AK9: variants seen among roughly 807,000 people sequenced by gnomAD.
AK9 encodes adenylate kinase 9.
A neutral mutation model predicts 239.6 loss-of-function variants in AK9; 191 were observed. That is an observed-to-expected ratio of 0.80 (90% CI 0.71 to 0.90). The LOEUF (loss-of-function observed/expected upper bound fraction) is 0.90, where lower values mean the gene tolerates loss of function less well. AK9 is among the 40% of genes least tolerant of loss of function. The pLI is 0.00. For missense variants in AK9, 1,995 were observed against 2,214.7 expected, an observed-to-expected ratio of 0.90 and a Z score of 1.99; for synonymous variants, 689 against 721.0, an observed-to-expected ratio of 0.96 and a Z score of 0.71.
At chr6:109,637,699 C>T (rs9487178) in intron 10 of AK9, among the ~76,000 whole-genome samples, 88,563 of 151,922 alleles carry the variant, frequency 0.58, 27,490 homozygotes, top group East Asian at 0.84. Context: ...GGGCTGGGAC[C>T]CACTGCTTTA....
chr6:109,647,405 A>G (rs1440601529), intron 8 of AK9, among the ~76,000 whole-genome samples: 1 of 152,190 alleles, frequency 6.6e-6, no homozygotes, highest in African/African-American at 2.4e-5. Flanking sequence ...TCTACCAAGA[A>G]AATGGAAAAC....
At chr6:109,649,550 G>A (rs1379714746) in intron 8 of AK9, among the ~76,000 whole-genome samples, 1 of 152,028 alleles carries the variant, frequency 6.6e-6, no homozygotes, top group Non-Finnish European at 1.5e-5. Context: ...CCTCTTCAAG[G>A]AGAACTACAA....
At chr6:109,597,059 T>C (rs941597311) in intron 17 of AK9, among the ~76,000 whole-genome samples, 1 of 152,214 alleles carries the variant, frequency 6.6e-6, no homozygotes, top group Admixed American at 6.5e-5. Context: ...AGAAAATCTT[T>C]ATTTTACTAA....
intron 31 of AK9, 89 bp downstream of exon 31, chr6:109,515,768 A>T: frequency 8.2e-7 from 1 of 1,212,328 alleles, no homozygotes; most frequent in Non-Finnish European, 1.1e-6. Flanking sequence ...CAATTTTTGA[A>T]ATTATCCAGT....
intron 35 of AK9, among the ~76,000 whole-genome samples, chr6:109,500,852 T>C (rs1777534804): frequency 1.3e-5 from 2 of 152,082 alleles, no homozygotes; most frequent in Admixed American, 1.3e-4. Context: ...ACCCTGTCTC[T>C]ACAAAAAATA....
At chr6:109,586,518 G>A (rs1481904623) in intron 17 of AK9, among the ~76,000 whole-genome samples, 1 of 152,152 alleles carries the variant, frequency 6.6e-6, no homozygotes, top group Non-Finnish European at 1.5e-5. Flanking sequence ...CAGAAGGTCT[G>A]GGGAATGGCC....
intron 17 of AK9, among the ~76,000 whole-genome samples, chr6:109,608,083 T>C (rs1389899352): frequency 1.3e-5 from 2 of 151,590 alleles, no homozygotes; most frequent in Non-Finnish European, 2.9e-5. Context: ...CTAGGCCACA[T>C]TGGCCAACAT....
intron 8 of AK9, among the ~76,000 whole-genome samples, chr6:109,645,235 G>A (rs1001832985): frequency 2.0e-5 from 3 of 152,196 alleles, no homozygotes; most frequent in Admixed American, 6.5e-5. Flanking sequence ...CATGGAGGGC[G>A]AGCCGAAGCA....
chr6:109,579,532 A>T lies in AK9; in HGVS notation c.2191+18T>A. 6.5e-7 allele frequency: 1 copy of T among 1,546,528 alleles called. No individual in the cohort carries two copies. Among genetic ancestry groups the T allele is most frequent in the Non-Finnish European group, 8.7e-7 (1 of 1,142,990 alleles). The stretch of plus-strand genomic sequence containing the variant: ...ACAATACCATGACACATCATCAGTC[A>T]TAGCAATCTGTGCTTGCCTTTTGCC... On this transcript the variant is annotated intron_variant, in intron 20 of 40. Transcript: ENST00000424296.
chr6:109,658,580 C>T (rs1318210194), intron 7 of AK9, among the ~76,000 whole-genome samples: 1 of 151,968 alleles, frequency 6.6e-6, no homozygotes, highest in Non-Finnish European at 1.5e-5. Flanking sequence ...AAATACATAC[C>T]AGATTTCAAA....
intron 12 of AK9, among the ~76,000 whole-genome samples, chr6:109,626,372 C>T (rs893113985): frequency 2.6e-5 from 4 of 152,074 alleles, no homozygotes; most frequent in Non-Finnish European, 4.4e-5. Flanking sequence ...TGTCTTGTAA[C>T]GTTTCATTAC....
chr6:109,564,529 T>C (rs894210611), intron 22 of AK9, among the ~76,000 whole-genome samples: 1 of 152,136 alleles, frequency 6.6e-6, no homozygotes, highest in African/African-American at 2.4e-5. Flanking sequence ...AAGGAAACTT[T>C]AACGGTTAAT....
chr6:109,604,456 T>G (rs1792570496), intron 17 of AK9, among the ~76,000 whole-genome samples: 1 of 152,226 alleles, frequency 6.6e-6, no homozygotes, highest in African/African-American at 2.4e-5. Context: ...TCCCAACAGT[T>G]AATCTTATCA....
At chr6:109,679,502 G>A (rs1425546011) in intron 1 of AK9, among the ~76,000 whole-genome samples, 1 of 152,116 alleles carries the variant, frequency 6.6e-6, no homozygotes, top group African/African-American at 2.4e-5. Flanking sequence ...AGAGCACCTG[G>A]GGGAAGGGGT....
At chr6:109,614,918 G>A (rs1002750434) in intron 13 of AK9, among the ~76,000 whole-genome samples, 25 of 152,240 alleles carry the variant, frequency 1.6e-4, no homozygotes, top group African/African-American at 5.3e-4. Context: ...CCTATTGTCA[G>A]ATTTAGAATA....
At chr6:109,580,595 C>T (rs552810747) in intron 19 of AK9, among the ~76,000 whole-genome samples, 10 of 152,262 alleles carry the variant, frequency 6.6e-5, no homozygotes, top group Admixed American at 2.0e-4. Flanking sequence ...TCTCATACTC[C>T]GCGTTCTTTG....
intron 29 of AK9, among the ~76,000 whole-genome samples, chr6:109,523,848 C>T (rs896249077): frequency 5.3e-5 from 8 of 152,156 alleles, no homozygotes; most frequent in African/African-American, 1.9e-4. Context: ...GCAGGCATGA[C>T]AGAATTTTAA....
intron 5 of AK9, among the ~76,000 whole-genome samples, chr6:109,667,792 C>T (rs547479666): frequency 6.6e-6 from 1 of 152,256 alleles, no homozygotes; most frequent in African/African-American, 2.4e-5. Context: ...TTTCTTAATC[C>T]AGTCTATCAT....
At chr6:109,647,459 C>T (rs1001503568) in intron 8 of AK9, among the ~76,000 whole-genome samples, 5 of 152,114 alleles carry the variant, frequency 3.3e-5, no homozygotes, top group African/African-American at 7.2e-5. Context: ...ATAAAACAGA[C>T]TTGAAACCAA....
Sources: gnomAD v4.1 joint callset for allele counts (sites outside exome capture counted in the v4.1 genomes callset) on GRCh38, gnomAD v4.1.1 for gene constraint, MANE v1.5 for transcripts, NCBI Gene and HGNC (gene_info 2026-07-23, HGNC 2026-07-21) for gene names.